KLHL8: variants seen among roughly 807,000 people sequenced by gnomAD.
KLHL8 encodes the protein kelch like family member 8.
KLHL8 carries 38 observed loss-of-function variants against 63.5 expected under a neutral mutation model. The ratio of observed to expected loss-of-function variants is 0.60; its 90% CI spans 0.46 to 0.78. The LOEUF (loss-of-function observed/expected upper bound fraction) is 0.78, where lower values mean the gene tolerates loss of function less well. KLHL8 is among the 30% of genes least tolerant of loss of function. The probability of loss-of-function intolerance (pLI) is 0.00; values close to 1 mark genes in which losing one functional copy is unlikely to be tolerated. For missense variants in KLHL8, 566 were observed against 752.4 expected, an observed-to-expected ratio of 0.75 and a Z score of 2.90; for synonymous variants, 224 against 254.3, an observed-to-expected ratio of 0.88 and a Z score of 1.13.
At chr4:87,185,935 A>C (rs1731236750) in intron 2 of KLHL8, 136 bp from the exon 3 acceptor site, 1 of 711,006 alleles carries the variant, frequency 1.4e-6, no homozygotes, top group Middle Eastern at 4.0e-4. Context: ...TCCTTTGATC[A>C]CTTACTTTCA....
chr4:87,207,510 C>T, intron 1 of KLHL8: 1 of 834,670 alleles, frequency 1.2e-6, no homozygotes, highest in African/African-American at 1.7e-5. Flanking sequence ...AGTATGACAA[C>T]AGCCTCAAGA....
In KLHL8 at chr4:87,170,095, A is replaced by G. The variant is rs561252171; in HGVS notation, c.1521T>C (p.Gly507=). ...RAGNGVSKLH[G]CLYVVGGFDD... Reference sequence around the variant, plus strand: ...TTTACTCACCAACTACGTATAAGCAACCATGAAGCTTGCTAACTCCATTGC... The same window carrying G: ...TTTACTCACCAACTACGTATAAGCAGCCATGAAGCTTGCTAACTCCATTGC... The change falls in exon 8 of 10, where the codon GGT becomes GGC. Residue 507 remains glycine (G), a synonymous_variant. Transcript: ENST00000273963. The G allele has an allele frequency of 7.4e-6, 12 of 1,613,992 alleles. No individual in the cohort carries two copies. Among genetic ancestry groups the G allele is most frequent in the Middle Eastern group, 1.7e-4 (1 of 6,060 alleles).
chr4:87,219,936 G>T (rs1176851834), intron 1 of KLHL8: 1 of 151,914 alleles, frequency 6.6e-6, no homozygotes, highest in Admixed American at 6.6e-5. Context: ...CCCCGCCCCC[G>T]CAGGCCGCGG....
chr4:87,234,130 G>A (rs1733185533), intron 1 of KLHL8, among the ~76,000 whole-genome samples: 1 of 152,110 alleles, frequency 6.6e-6, no homozygotes, highest in Admixed American at 6.6e-5. Context: ...TGCATGTATG[G>A]GTGGTGTCAT....
At chr4:87,174,262 A>G (rs967619364) in intron 6 of KLHL8, among the ~76,000 whole-genome samples, 11 of 150,596 alleles carry the variant, frequency 7.3e-5, no homozygotes, top group Admixed American at 2.0e-4. Context: ...GTGTGTGTGT[A>G]TATATATATA....
At position 87,174,881 on chromosome 4, in the gene KLHL8, T is replaced by C. The variant is rs551160305; in HGVS notation, c.1208+1876A>G. 2.2e-4 allele frequency among the ~76,000 whole-genome samples: 33 copies of C among 152,360 alleles called. No individual in the cohort carries two copies. The South Asian group carries it at 6.6e-3, about 31-fold the overall frequency. On this transcript the variant is annotated intron_variant, in intron 6 of 9. Transcript: ENST00000273963. ...ATTACAGTATGCTTCATTGCTACTA[T>C]ACTGAATCATAAACAAATATTTATT...
At chr4:87,191,238 G>A (rs1229781997) in intron 2 of KLHL8, among the ~76,000 whole-genome samples, 1 of 152,186 alleles carries the variant, frequency 6.6e-6, no homozygotes, top group Non-Finnish European at 1.5e-5. Context: ...GGAGGCTGAG[G>A]CAGACAGATC....
Position 87,195,587 on chromosome 4 carries a change from TA to T in KLHL8, c.-49del, listed in dbSNP as rs762125472. 3.9e-6 allele frequency: 6 copies of T among 1,523,100 alleles called. No individual in the cohort carries two copies. The highest frequency in any genetic ancestry group is 4.5e-6 in the Non-Finnish European group (5 of 1,106,334). 94.3% of individuals were successfully genotyped at this position (1,523,100 alleles called of 1,614,324 possible). On this transcript the variant is annotated 5_prime_UTR_variant, in exon 2 of 10. Coordinates refer to ENST00000273963, the MANE Select transcript of KLHL8 (RefSeq NM_020803.5). ...GAGCTCTCTTCTCAAACATGCCATT[TA>T]TTTTTTTTCAAAGGGTAGAGAGAAG...
chr4:87,186,562 C>T (rs1248932604), intron 2 of KLHL8, among the ~76,000 whole-genome samples: 1 of 151,748 alleles, frequency 6.6e-6, no homozygotes, highest in Non-Finnish European at 1.5e-5. Flanking sequence ...TCATTGCAGC[C>T]TCAACCTGCT....
At chr4:87,240,095 A>G (rs1263909727) in intron 1 of KLHL8, among the ~76,000 whole-genome samples, 2 of 152,212 alleles carry the variant, frequency 1.3e-5, no homozygotes, top group Non-Finnish European at 2.9e-5. Context: ...TCCTCCAGCC[A>G]GCTTGGAGAA....
At chr4:87,167,420 T>C in intron 8 of KLHL8, 4 of 469,468 alleles carry the variant, frequency 8.5e-6, no homozygotes. Context: ...CCAAATAAGG[T>C]GTTCTCCTAC....
intron 1 of KLHL8, among the ~76,000 whole-genome samples, chr4:87,230,611 T>C (rs879856286): frequency 6.6e-6 from 1 of 152,192 alleles, no homozygotes; most frequent in Admixed American, 6.5e-5. Context: ...ACACTGACAA[T>C]CTATAAATCT....
At chr4:87,202,287 T>C (rs1380731039) in intron 1 of KLHL8, among the ~76,000 whole-genome samples, 2 of 151,828 alleles carry the variant, frequency 1.3e-5, no homozygotes, top group Admixed American at 6.6e-5. Context: ...TTTTAAAAGA[T>C]CAACATATTT....
intron 1 of KLHL8, among the ~76,000 whole-genome samples, chr4:87,203,004 C>CA (rs1442075198): frequency 6.6e-6 from 1 of 151,844 alleles, no homozygotes; most frequent in African/African-American, 2.4e-5. Context: ...CTTCAATATT[C>CA]AAAAAAATAT....
At chr4:87,232,406 A>C (rs1200523600) in intron 1 of KLHL8, among the ~76,000 whole-genome samples, 1 of 152,210 alleles carries the variant, frequency 6.6e-6, no homozygotes, top group African/African-American at 2.4e-5. Flanking sequence ...CATCATATGA[A>C]TATACCATAA....
chr4:87,208,392 G>T (rs1329123569), intron 1 of KLHL8, among the ~76,000 whole-genome samples: 1 of 150,134 alleles, frequency 6.7e-6, no homozygotes, highest in Non-Finnish European at 1.5e-5. Context: ...TTTGAGGCAG[G>T]GTCTCACTCT....
upstream of KLHL8, among the ~76,000 whole-genome samples, chr4:87,225,549 A>T (rs1310563493): frequency 6.6e-6 from 1 of 152,194 alleles, no homozygotes; most frequent in Non-Finnish European, 1.5e-5. Flanking sequence ...AAAGGACAAT[A>T]GTCAAGTCTC....
In KLHL8 at chr4:87,164,055, AGAG is replaced by A. The variant is rs760071056; in HGVS notation, c.1559_1561del (p.Pro520del). 4 of 1,614,164 alleles carry A rather than the reference AGAG, an allele frequency of 2.5e-6. No homozygotes were observed. The highest frequency in any genetic ancestry group is 1.7e-5 in the Admixed American group (1 of 60,026). On this transcript the variant is annotated inframe_deletion, in exon 9 of 10. Transcript: ENST00000273963. ...GGGGTCATACCGCTCAACTGAACTC[AGAG>A]GAGAATTATCATCAAAACCACCTAT... is the stretch of plus-strand genomic sequence containing the variant.
At chr4:87,204,811 G>A (rs1420782295) in intron 1 of KLHL8, among the ~76,000 whole-genome samples, 3 of 152,186 alleles carry the variant, frequency 2.0e-5, no homozygotes, top group Non-Finnish European at 2.9e-5. Context: ...ATGAGGGGCA[G>A]GGAAAGAGTA....
Sources: allele counts gnomAD v4.1 joint callset (sites outside exome capture counted in the v4.1 genomes callset), GRCh38; gene constraint gnomAD v4.1.1; transcripts MANE v1.5; gene names NCBI Gene and HGNC (gene_info 2026-07-23, HGNC 2026-07-21).